The following FRMD7 variants were observed in gnomAD, a reference collection of about 807,000 sequenced individuals.
FRMD7 encodes FERM domain containing 7, also known as FERM domain-containing protein 7.
A neutral mutation model predicts 44.1 loss-of-function variants in FRMD7; 14 were observed. The observed-to-expected ratio is 0.32, with a 90% CI of 0.21 to 0.50. The LOEUF is 0.50. FRMD7 is among the 20% of genes least tolerant of loss of function. The pLI, the probability that FRMD7 is intolerant of heterozygous loss-of-function variation, is 0.99. For missense variants in FRMD7, 501 were observed against 522.3 expected, an observed-to-expected ratio of 0.96 and a Z score of 0.40; for synonymous variants, 212 against 187.4, an observed-to-expected ratio of 1.13 and a Z score of -1.07.
At chrX:132,115,193 G>A (rs975200931) in intron 1 of FRMD7, among the ~76,000 whole-genome samples, 1 of 112,282 alleles carries the variant, frequency 8.9e-6, no homozygotes, top group Admixed American at 9.4e-5. Flanking sequence ...TCACACTTGT[G>A]AGCCTTGGAG....
chrX:132,114,918 C>CTT (rs1408065086), intron 1 of FRMD7, among the ~76,000 whole-genome samples: 1 of 112,528 alleles, frequency 8.9e-6, no homozygotes, highest in Non-Finnish European at 1.9e-5. Context: ...TTCACCTAGT[C>CTT]TCTTCACTTG....
chrX:132,085,768 A>G, intron 6 of FRMD7, 40 bp from the exon 7 acceptor site: 1 of 1,173,829 alleles, frequency 8.5e-7, no homozygotes, highest in Non-Finnish European at 1.2e-6. Flanking sequence ...TAAATGCCTC[A>G]AGAATGACAT....
chrX:132,093,132 C>G (rs1284563318), intron 5 of FRMD7, among the ~76,000 whole-genome samples: 2 of 111,649 alleles, frequency 1.8e-5, no homozygotes, highest in Non-Finnish European at 3.8e-5. Flanking sequence ...TTGATTGTCC[C>G]TGCCAGGAGT....
chrX:132,108,017 T>C (rs1928688753), intron 1 of FRMD7, among the ~76,000 whole-genome samples: 1 of 111,885 alleles, frequency 8.9e-6, no homozygotes, highest in South Asian at 3.7e-4. Flanking sequence ...TGGCTAAGAA[T>C]GTTTGCTTTG....
At chrX:132,120,412 C>T (rs1929005208) in intron 1 of FRMD7, among the ~76,000 whole-genome samples, 1 of 112,595 alleles carries the variant, frequency 8.9e-6, no homozygotes, top group African/African-American at 3.2e-5. Context: ...GCCTGCCCTG[C>T]GATGAAAGGT....
chrX:132,118,164 G>A (rs1266853292), intron 1 of FRMD7, among the ~76,000 whole-genome samples: 1 of 111,277 alleles, frequency 9.0e-6, no homozygotes, highest in Non-Finnish European at 1.9e-5. Flanking sequence ...GGAGAGAGTT[G>A]GGGATTGGAA....
At position 132,078,947 on chromosome X, in the gene FRMD7, G is replaced by A; in HGVS notation, c.1070C>T (p.Ala357Val). 1 of 1,208,711 alleles carries A rather than the reference G, an allele frequency of 8.3e-7. No homozygotes were observed. The highest frequency in any genetic ancestry group is 1.8e-5 in the South Asian group (1 of 56,919). The change falls in exon 12 of 12, where the codon GCA (alanine) becomes GTA (valine). Residue 357 changes from alanine to valine, a missense_variant. Around this residue, in one of 3 missense-constraint regions of FRMD7, gnomAD observed 453 missense variants for 452.7 expected, o/e 1.00. Transcript: ENST00000298542. Reference protein sequence around the residue: ...VSKQVEDLRLAYGGGYYQNVN... With the variant: ...VSKQVEDLRLVYGGGYYQNVN... ...ATTTTGGTAGTAGCCACCACCATAT[G>A]CTAGTCTCAAATCTTCCACCTTGAG...
chrX:132,085,524 A>G, intron 7 of FRMD7, 57 bp downstream of exon 7: 1 of 1,130,455 alleles, frequency 8.8e-7, no homozygotes, highest in Non-Finnish European at 1.2e-6. Context: ...CCCAAGTTTG[A>G]GCCAAGATAA....
intron 1 of FRMD7, among the ~76,000 whole-genome samples, chrX:132,122,275 G>A (rs1408780884): frequency 8.9e-6 from 1 of 111,983 alleles, no homozygotes; most frequent in Non-Finnish European, 1.9e-5. Flanking sequence ...TTAGTGATAA[G>A]GGCACATCCT....
intron 1 of FRMD7, among the ~76,000 whole-genome samples, chrX:132,111,391 G>T (rs1366702061): frequency 9.0e-6 from 1 of 111,426 alleles, no homozygotes; most frequent in African/African-American, 3.3e-5. Context: ...ACCTGCTTCA[G>T]CTTCCCAAAG....
chrX:132,124,884 A>T (rs1929118370), intron 1 of FRMD7, among the ~76,000 whole-genome samples: 1 of 111,981 alleles, frequency 8.9e-6, no homozygotes, highest in South Asian at 3.8e-4. Flanking sequence ...GGCCTGGGAC[A>T]TATTAGGTCC....
At chrX:132,100,509 T>TTTTTC (rs1928469395) in intron 2 of FRMD7, 103 bp downstream of exon 2, 1 of 586,704 alleles carries the variant, frequency 1.7e-6, no homozygotes. Flanking sequence ...GTGCACATAG[T>TTTTTC]TTTTCATTTT....
Position 132,095,062 on chromosome X carries a change from A to T in FRMD7, c.285-923T>A, listed in dbSNP as rs1331972402. 5.3e-4 allele frequency among the ~76,000 whole-genome samples: 12 copies of T among 22,524 alleles called. 1 individual carries two copies. The highest frequency in any genetic ancestry group is 1.8e-3 in the South Asian group (1 of 555). The allele number at this position is 22,524 out of a possible 115,157, so 19.6% of individuals were successfully genotyped here. A position where few individuals can be genotyped will look rare whatever the true frequency, so the allele number is the denominator to read the frequency against. ...GGTCCAAGATTGGTTCCAATATTTTATTTATTTATTTATTTATTTATTTAT... is the reference window on the plus strand; with the variant it reads ...GGTCCAAGATTGGTTCCAATATTTTTTTTATTTATTTATTTATTTATTTAT... On this transcript the variant is annotated intron_variant, in intron 4 of 11. Transcript: ENST00000298542.
chrX:132,125,987 A>G (rs28606425), intron 1 of FRMD7, among the ~76,000 whole-genome samples: 24,012 of 110,770 alleles, frequency 0.22, 2,112 homozygotes, highest in Non-Finnish European at 0.25. Context: ...GCTGAATGGA[A>G]GATCAAATGA....
At chrX:132,090,895 C>T (rs777684843) in intron 5 of FRMD7, among the ~76,000 whole-genome samples, 5 of 111,084 alleles carry the variant, frequency 4.5e-5, no homozygotes, top group South Asian at 3.8e-4. Context: ...CTATGACATA[C>T]GAATGAGTAA....
chrX:132,120,323 G>A (rs1929002991), intron 1 of FRMD7, among the ~76,000 whole-genome samples: 1 of 112,596 alleles, frequency 8.9e-6, no homozygotes, highest in South Asian at 3.6e-4. Flanking sequence ...TAATTCGGAG[G>A]GAAGATCTGC....
In FRMD7 at chrX:132,084,412, A is replaced by G. The variant is rs1026735278; in HGVS notation, c.741+78T>C. On this transcript the variant is annotated intron_variant, in intron 8 of 11. Transcript: ENST00000298542. ...GGGCCAGCCGGCTTTTACAATTTAC[A>G]TTCAAACGATTTGCAGAAACAACCA... 10 of 617,669 alleles carry G rather than the reference A, an allele frequency of 1.6e-5. No individual in the cohort carries two copies. The East Asian group carries it at 2.9e-4, about 18-fold the overall frequency. 50.9% of individuals were successfully genotyped at this position (617,669 alleles called of 1,213,427 possible).
rs1432956245 is a variant in FRMD7 at position 132,082,498 on chromosome X, G to T, written c.770C>A (p.Thr257Asn). The T allele has an allele frequency of 8.3e-7, 1 of 1,210,014 alleles. No homozygotes were observed. The highest frequency in any genetic ancestry group is 2.2e-5 in the Admixed American group (1 of 46,072). ...LVLCKDTLEF[T>N]MASRDACKAF... Reference sequence around the variant, plus strand: ...CTTGCAGGCATCTCGGCTGGCCATGGTGAACTCCAAGGTATCCTTGCACAA... The same window carrying T: ...CTTGCAGGCATCTCGGCTGGCCATGTTGAACTCCAAGGTATCCTTGCACAA... Residue 257 changes from threonine to asparagine, a missense_variant, in exon 9 of 12, where the codon ACC becomes AAC. Thr to Asn is a moderately conservative substitution (Grantham distance 65). Transcript: ENST00000298542.
chrX:132,088,141 T>C (rs929655227), intron 5 of FRMD7, among the ~76,000 whole-genome samples: 1 of 112,368 alleles, frequency 8.9e-6, no homozygotes, highest in African/African-American at 3.2e-5. Flanking sequence ...CTATTCAACA[T>C]TGTACTGATG....
Sources: gnomAD v4.1 joint callset for allele counts (sites outside exome capture counted in the v4.1 genomes callset) on GRCh38, gnomAD v4.1.1 for gene constraint, gnomAD v4.1.1 regional missense constraint, MANE v1.5 for transcripts, NCBI Gene and HGNC (gene_info 2026-07-23, HGNC 2026-07-21) for gene names.